Variants in LDLRAD4 observed in about 807,000 individuals in gnomAD.
LDLRAD4 encodes low density lipoprotein receptor class A domain containing 4, also known as low-density lipoprotein receptor class A domain-containing protein 4.
Under a neutral mutation model 17.0 loss-of-function variants are expected in LDLRAD4, and 5 were observed. That is an observed-to-expected ratio of 0.29 (90% CI 0.15 to 0.62). LDLRAD4 has a LOEUF of 0.62. LDLRAD4 is among the 20% of genes least tolerant of loss of function. The pLI is 0.84. For synonymous variants in LDLRAD4, 168 were observed against 171.8 expected (o/e 0.98, Z 0.17); for missense variants, 340 against 424.7 (o/e 0.80, Z 1.75).
chr18:13,636,385 G>A (rs555297190), intron 4 of LDLRAD4, among the ~76,000 whole-genome samples: 26 of 151,290 alleles, frequency 1.7e-4, no homozygotes, highest in African/African-American at 5.6e-4. Context: ...GTTGTTCAAC[G>A]GTCCACTGTA....
chr18:13,481,278 T>G (rs769593379), intron 3 of LDLRAD4, among the ~76,000 whole-genome samples: 6 of 152,210 alleles, frequency 3.9e-5, no homozygotes, highest in Non-Finnish European at 8.8e-5. Flanking sequence ...GACACGTGTC[T>G]GGAAGAGGAC....
intron 3 of LDLRAD4, among the ~76,000 whole-genome samples, chr18:13,581,747 A>G (rs893637141): frequency 6.6e-6 from 1 of 152,192 alleles, no homozygotes; most frequent in African/African-American, 2.4e-5. Context: ...GACAAAGCTG[A>G]GGACTTTCTG....
Position 13,380,339 on chromosome 18 carries a change from T to A in LDLRAD4, c.-382-7002T>A, listed in dbSNP as rs114054964. Among the ~76,000 whole-genome samples the A allele has an allele frequency of 3.6e-3, 547 of 152,300 alleles. 3 individuals are homozygous for A. The highest frequency in any genetic ancestry group is 0.012 in the African/African-American group (508 of 41,562). On this transcript the variant is annotated intron_variant, in intron 1 of 5. Transcript: ENST00000359446. ...GCTGTCTTCCTAGCATTGCAGGCTC[T>A]CCCTCCTGAGCCAGTGTCTCCTGTG... is the stretch of plus-strand genomic sequence containing the variant.
intron 3 of LDLRAD4, among the ~76,000 whole-genome samples, chr18:13,568,631 G>A (rs2094639826): frequency 6.6e-6 from 1 of 152,178 alleles, no homozygotes; most frequent in South Asian, 2.1e-4. Context: ...AGGAGGAACT[G>A]GACAAGGTTC....
At chr18:13,634,859 G>C (rs2041952700) in intron 4 of LDLRAD4, among the ~76,000 whole-genome samples, 1 of 151,608 alleles carries the variant, frequency 6.6e-6, no homozygotes, top group South Asian at 2.1e-4. Flanking sequence ...AAGTTTTGTA[G>C]TGTGGTGCTG....
At chr18:13,234,553 G>C (rs564630317) in intron 1 of LDLRAD4, among the ~76,000 whole-genome samples, 29 of 152,318 alleles carry the variant, frequency 1.9e-4, no homozygotes, top group Non-Finnish European at 3.2e-4. Flanking sequence ...GGCCTGGATG[G>C]GGCTCTGGAC....
chr18:13,313,368 C>T (rs186644581), intron 1 of LDLRAD4, among the ~76,000 whole-genome samples: 1,582 of 152,148 alleles, frequency 0.01, 45 homozygotes, highest in Admixed American at 0.045. Flanking sequence ...TTCCCCACAG[C>T]CCACTCACAC....
At position 13,413,962 on chromosome 18, in the gene LDLRAD4, C is replaced by T. The variant is rs147556655; in HGVS notation, c.41-24282C>T. ...AGAAATAATTATAAGAGAGTACCTG[C>T]GTTTCTACCCATACCCGAGGTTTTC... On this transcript the variant is annotated intron_variant, in intron 2 of 5. Transcript: ENST00000359446. Among the ~76,000 whole-genome samples, 11 of 152,148 alleles carry T rather than the reference C, an allele frequency of 7.2e-5. No homozygotes were observed. The East Asian group carries it at 1.7e-3, about 24-fold the overall frequency.
intron 4 of LDLRAD4, among the ~76,000 whole-genome samples, chr18:13,630,023 C>T (rs1188060589): frequency 6.6e-6 from 1 of 152,212 alleles, no homozygotes; most frequent in East Asian, 1.9e-4. Context: ...CATTTTCCTG[C>T]TGCCTGGAAC....
At chr18:13,231,992 G>A (rs1202519324) in intron 1 of LDLRAD4, among the ~76,000 whole-genome samples, 2 of 152,218 alleles carry the variant, frequency 1.3e-5, no homozygotes, top group African/African-American at 4.8e-5. Flanking sequence ...TGGTGGCTGG[G>A]CAGGCACCCA....
At chr18:13,553,693 T>C (rs1299630605) in intron 3 of LDLRAD4, among the ~76,000 whole-genome samples, 2 of 152,252 alleles carry the variant, frequency 1.3e-5, no homozygotes, top group African/African-American at 4.8e-5. Flanking sequence ...GCTTCCTGGC[T>C]AACCTCCATT....
intron 3 of LDLRAD4, among the ~76,000 whole-genome samples, chr18:13,475,295 G>A (rs1000598574): frequency 1.3e-5 from 2 of 152,274 alleles, no homozygotes; most frequent in Non-Finnish European, 2.9e-5. Flanking sequence ...GTGGCCCGGA[G>A]ACAACAGGAT....
At chr18:13,378,133 C>T (rs62085674) in intron 1 of LDLRAD4, among the ~76,000 whole-genome samples, 322 of 152,270 alleles carry the variant, frequency 2.1e-3, no homozygotes, top group Non-Finnish European at 3.3e-3. Context: ...TGACTCTGAT[C>T]GTTCATTTCT....
At chr18:13,274,656 T>A (rs567095854), upstream of LDLRAD4, among the ~76,000 whole-genome samples, 6 of 152,168 alleles carry the variant, frequency 3.9e-5, no homozygotes, top group South Asian at 1.2e-3. Context: ...GTGTGACAGG[T>A]TTCTGTAATG....
At chr18:13,380,613 G>C (rs2085284244) in intron 1 of LDLRAD4, among the ~76,000 whole-genome samples, 3 of 152,182 alleles carry the variant, frequency 2.0e-5, no homozygotes, top group Non-Finnish European at 2.9e-5. Flanking sequence ...GTTTATTTTA[G>C]GGGGAACTCT....
intron 3 of LDLRAD4, among the ~76,000 whole-genome samples, chr18:13,469,827 G>A (rs1430366154): frequency 6.6e-6 from 1 of 152,212 alleles, no homozygotes; most frequent in Non-Finnish European, 1.5e-5. Flanking sequence ...GCAAATGTTA[G>A]TAACACCACT....
At chr18:13,226,200 T>TTTTTTTTTTTTTTTTTTC (rs1399999238) in intron 1 of LDLRAD4, among the ~76,000 whole-genome samples, 1 of 143,200 alleles carries the variant, frequency 7.0e-6, no homozygotes, top group African/African-American at 2.6e-5. Flanking sequence ...TTTTTTTTTT[T>TTTTTTTTTTTTTTTTTTC]TGTAGAGACC....
intron 1 of LDLRAD4, among the ~76,000 whole-genome samples, chr18:13,222,280 G>T (rs1036829729): frequency 2.6e-5 from 4 of 151,458 alleles, no homozygotes; most frequent in African/African-American, 7.3e-5. Flanking sequence ...ATTTCTGTTT[G>T]CATGGGTTCT....
intron 2 of LDLRAD4, among the ~76,000 whole-genome samples, chr18:13,417,255 G>C (rs1044097684): frequency 6.6e-6 from 1 of 152,132 alleles, no homozygotes; most frequent in African/African-American, 2.4e-5. Flanking sequence ...AAGTATGTTT[G>C]CATAAGTTGA....
Sources: allele counts gnomAD v4.1 joint callset (sites outside exome capture counted in the v4.1 genomes callset), GRCh38; gene constraint gnomAD v4.1.1; transcripts MANE v1.5; gene names NCBI Gene and HGNC (gene_info 2026-07-23, HGNC 2026-07-21).